LSAMP: variants seen among roughly 807,000 people sequenced by gnomAD.
LSAMP encodes limbic system-associated membrane protein.
In LSAMP, 7 loss-of-function variants were observed where a neutral mutation model predicts 38.6. That is an observed-to-expected ratio of 0.18 (90% CI 0.10 to 0.34). LSAMP has a LOEUF of 0.34. LSAMP is among the 10% of genes least tolerant of loss of function. The probability of loss-of-function intolerance (pLI) is 1.00; values close to 1 mark genes in which losing one functional copy is unlikely to be tolerated. For missense variants in LSAMP, 313 were observed against 420.0 expected (o/e 0.75, Z 2.23); for synonymous variants, 154 against 166.8 (o/e 0.92, Z 0.59).
At chr3:115,882,767 A>G (rs972953546) in intron 3 of LSAMP, among the ~76,000 whole-genome samples, 1 of 151,752 alleles carries the variant, frequency 6.6e-6, no homozygotes, top group Admixed American at 6.6e-5. Flanking sequence ...TCTCTCCCTC[A>G]TCTCTCACCC....
intron 1 of LSAMP, among the ~76,000 whole-genome samples, chr3:116,237,252 C>T (rs1459790561): frequency 6.6e-6 from 1 of 152,104 alleles, no homozygotes; most frequent in African/African-American, 2.4e-5. Flanking sequence ...TACATGTAAA[C>T]CCTATAAGTA....
At position 115,806,542 on chromosome 3, in the gene LSAMP, G is replaced by A. The variant is rs1933634705; in HGVS notation, c.*3775C>T. 6.6e-6 allele frequency: 1 copy of A among 152,166 alleles called. No homozygotes were observed. The highest frequency in any genetic ancestry group is 1.5e-5 in the Non-Finnish European group (1 of 68,030). 9.4% of individuals were successfully genotyped at this position (152,166 alleles called of 1,614,324 possible). A position where few individuals can be genotyped will look rare whatever the true frequency, so the allele number is the denominator to read the frequency against. On this transcript the variant is annotated 3_prime_UTR_variant, in exon 7 of 7. Coordinates refer to ENST00000490035, the MANE Select transcript of LSAMP (RefSeq NM_002338.5). ...GAGTTTAGCTTTTGTGTGCAAAGGA[G>A]GTAAGTCCATTTTTGGAGGAGAAAC... is the stretch of plus-strand genomic sequence containing the variant.
chr3:115,918,818 A>G (rs1937315994), intron 3 of LSAMP, among the ~76,000 whole-genome samples: 1 of 151,790 alleles, frequency 6.6e-6, no homozygotes, highest in Middle Eastern at 3.4e-3. Flanking sequence ...TGGCCAGATC[A>G]GATAATGCTA....
chr3:116,080,769 A>G (rs1422658577), intron 2 of LSAMP, among the ~76,000 whole-genome samples: 1 of 152,246 alleles, frequency 6.6e-6, no homozygotes. Context: ...AATTCAAATG[A>G]GAAAATTCCA....
chr3:116,444,366 A>ATG (rs1165037541), intron 1 of LSAMP, among the ~76,000 whole-genome samples: 42 of 101,182 alleles, frequency 4.2e-4, no homozygotes, highest in Admixed American at 1.2e-3. Flanking sequence ...GTGTGTGTGT[A>ATG]TGTGTGTGTG....
intron 1 of LSAMP, among the ~76,000 whole-genome samples, chr3:116,259,885 G>A (rs1327358272): frequency 6.6e-6 from 1 of 152,104 alleles, no homozygotes; most frequent in East Asian, 1.9e-4. Context: ...CTCTGCAGCA[G>A]CATCACAGCT....
intron 3 of LSAMP, among the ~76,000 whole-genome samples, chr3:115,918,449 T>C (rs532417739): frequency 1.3e-5 from 2 of 152,202 alleles, no homozygotes; most frequent in Non-Finnish European, 2.9e-5. Flanking sequence ...CCTCTTAGAA[T>C]AGCCTGCTAA....
intron 1 of LSAMP, among the ~76,000 whole-genome samples, chr3:116,104,532 A>C (rs1024751615): frequency 1.3e-5 from 2 of 152,242 alleles, no homozygotes; most frequent in African/African-American, 4.8e-5. Context: ...AGAGATTAAC[A>C]ACCTTGCACC....
At chr3:116,134,667 A>C (rs1228246144) in intron 1 of LSAMP, among the ~76,000 whole-genome samples, 1 of 152,096 alleles carries the variant, frequency 6.6e-6, no homozygotes, top group African/African-American at 2.4e-5. Flanking sequence ...TCTTAGTTCA[A>C]ATCAGAGAGG....
At chr3:116,386,487 A>C (rs1174003927) in intron 1 of LSAMP, among the ~76,000 whole-genome samples, 1 of 151,870 alleles carries the variant, frequency 6.6e-6, no homozygotes, top group East Asian at 1.9e-4. Flanking sequence ...CTCTTTCTCT[A>C]AGAGAGATGG....
intron 2 of LSAMP, among the ~76,000 whole-genome samples, chr3:116,061,076 G>A (rs556218498): frequency 8.5e-5 from 13 of 152,148 alleles, no homozygotes; most frequent in Non-Finnish European, 1.6e-4. Context: ...CTAGGAGACC[G>A]CTGGGACATC....
Position 115,806,648 on chromosome 3 carries a change from CTA to C in LSAMP, c.*3667_*3668del, listed in dbSNP as rs1933636613. 6.6e-6 allele frequency: 1 copy of C among 152,140 alleles called. No individual in the cohort carries two copies. Among genetic ancestry groups the C allele is most frequent in the South Asian group, 2.1e-4 (1 of 4,828 alleles). 9.4% of individuals were successfully genotyped at this position (152,140 alleles called of 1,614,324 possible). On this transcript the variant is annotated 3_prime_UTR_variant, in exon 7 of 7. Transcript: ENST00000490035. ...TCTATAAGTAGCCCCAGTAGTCTGA[CTA>C]TGTAGTAAAAAAATGCCCATGGCAA...
intron 1 of LSAMP, among the ~76,000 whole-genome samples, chr3:116,412,567 A>C (rs929601772): frequency 6.6e-6 from 1 of 152,134 alleles, no homozygotes; most frequent in Non-Finnish European, 1.5e-5. Context: ...AAGTACTGAC[A>C]GCAAGTTCGT....
At chr3:115,828,171 G>C (rs1249288768) in intron 6 of LSAMP, among the ~76,000 whole-genome samples, 1 of 152,132 alleles carries the variant, frequency 6.6e-6, no homozygotes, top group Non-Finnish European at 1.5e-5. Flanking sequence ...AGATGTCAAA[G>C]AGAACATGCA....
At chr3:116,080,491 T>A (rs1385282523) in intron 2 of LSAMP, among the ~76,000 whole-genome samples, 1 of 152,222 alleles carries the variant, frequency 6.6e-6, no homozygotes, top group Non-Finnish European at 1.5e-5. Flanking sequence ...TTGGAGATAG[T>A]AATTAATTAT....
intron 1 of LSAMP, among the ~76,000 whole-genome samples, chr3:116,413,686 C>A (rs573403626): frequency 1.3e-5 from 2 of 152,152 alleles, no homozygotes; most frequent in African/African-American, 4.8e-5. Flanking sequence ...GGCCACTCTG[C>A]ATCAAAGGGT....
chr3:115,847,412 G>A (rs1935193936), intron 4 of LSAMP, among the ~76,000 whole-genome samples: 1 of 152,192 alleles, frequency 6.6e-6, no homozygotes, highest in Non-Finnish European at 1.5e-5. Context: ...ATTAAACAAT[G>A]TATATTAAAT....
intron 1 of LSAMP, among the ~76,000 whole-genome samples, chr3:116,262,151 T>A (rs1267287913): frequency 6.6e-6 from 1 of 152,136 alleles, no homozygotes; most frequent in East Asian, 1.9e-4. Context: ...AGGACCTTTT[T>A]ACCTAAATGC....
intron 1 of LSAMP, among the ~76,000 whole-genome samples, chr3:116,191,847 C>T (rs1263616114): frequency 6.6e-6 from 1 of 151,930 alleles, no homozygotes; most frequent in Non-Finnish European, 1.5e-5. Context: ...CAAATCATAT[C>T]TCTGAATTCT....
Sources: allele counts gnomAD v4.1 joint callset (sites outside exome capture counted in the v4.1 genomes callset), GRCh38; gene constraint gnomAD v4.1.1; transcripts MANE v1.5; gene names NCBI Gene and HGNC (gene_info 2026-07-23, HGNC 2026-07-21).